ST8SIA1: variants seen among roughly 807,000 people sequenced by gnomAD.
ST8SIA1 encodes the protein ST8 alpha-N-acetyl-neuraminide alpha-2,8-sialyltransferase 1.
A neutral mutation model predicts 35.9 loss-of-function variants in ST8SIA1; 16 were observed. The observed-to-expected ratio is 0.45, with a 90% CI of 0.30 to 0.68. The LOEUF (loss-of-function observed/expected upper bound fraction) is 0.68. Ranked by LOEUF, ST8SIA1 falls within the 30% of genes least tolerant of loss-of-function variation. The probability of loss-of-function intolerance (pLI) is 0.09; values close to 1 mark genes in which losing one functional copy is unlikely to be tolerated. For missense variants in ST8SIA1, 383 were observed against 453.6 expected, an observed-to-expected ratio of 0.84 and a Z score of 1.41; for synonymous variants, 170 against 169.6, an observed-to-expected ratio of 1.00 and a Z score of -0.02.
At chr12:22,211,571 C>T (rs1865176405) in intron 4 of ST8SIA1, among the ~76,000 whole-genome samples, 1 of 152,082 alleles carries the variant, frequency 6.6e-6, no homozygotes, top group African/African-American at 2.4e-5. Flanking sequence ...AAGGTCAAAG[C>T]CTTATCTGTA....
chr12:22,237,642 G>A (rs922255261), intron 4 of ST8SIA1, among the ~76,000 whole-genome samples: 56 of 151,322 alleles, frequency 3.7e-4, no homozygotes, highest in African/African-American at 1.3e-3. Context: ...CATCAATATG[G>A]ATATATCATA....
intron 4 of ST8SIA1, among the ~76,000 whole-genome samples, chr12:22,244,196 CTCTTT>C (rs1189856654): frequency 6.6e-6 from 1 of 152,064 alleles, no homozygotes. Context: ...ACTTAGCATA[CTCTTT>C]TCTTATGTTT....
intron 1 of ST8SIA1, among the ~76,000 whole-genome samples, chr12:22,322,132 C>T (rs1041114152): frequency 2.6e-5 from 4 of 152,206 alleles, no homozygotes; most frequent in Admixed American, 6.5e-5. Flanking sequence ...CTGAATGGAC[C>T]AGAGTGGAGA....
chr12:22,201,826 C>G lies in ST8SIA1; in HGVS notation c.797G>C (p.Arg266Thr). ...LRSIGKFWKSRGIHAKRLSTG... is the reference protein window; with the variant it reads ...LRSIGKFWKSTGIHAKRLSTG... ...GGACAGGCGCTTGGCATGGATTCCT[C>G]TACTTTTCCAGAACTTTCCAATGCT... is the stretch of plus-strand genomic sequence containing the variant. Residue 266 changes from arginine (R) to threonine (T), a missense_variant, in exon 5 of 5, where the codon AGA becomes ACA. Physicochemically the swap from Arg to Thr is moderately conservative, Grantham distance 71. Coordinates refer to ENST00000396037, the MANE Select transcript of ST8SIA1 (RefSeq NM_003034.4). 1.9e-6 allele frequency: 3 copies of G among 1,614,164 alleles called. No individual in the cohort carries two copies. The highest frequency in any genetic ancestry group is 1.7e-6 in the Non-Finnish European group (2 of 1,180,002).
At chr12:22,309,324 C>T (rs1866421628) in intron 1 of ST8SIA1, among the ~76,000 whole-genome samples, 1 of 152,082 alleles carries the variant, frequency 6.6e-6, no homozygotes, top group South Asian at 2.1e-4. Flanking sequence ...TCTGACGCTG[C>T]CCCTCCTTTT....
At chr12:22,209,334 A>G (rs1013982566) in intron 4 of ST8SIA1, among the ~76,000 whole-genome samples, 1 of 152,240 alleles carries the variant, frequency 6.6e-6, no homozygotes, top group Non-Finnish European at 1.5e-5. Context: ...GGGTAAATGA[A>G]CAACGATGTA....
At chr12:22,273,415 G>C (rs750545578) in intron 2 of ST8SIA1, among the ~76,000 whole-genome samples, 19 of 152,076 alleles carry the variant, frequency 1.2e-4, no homozygotes, top group Non-Finnish European at 1.8e-4. Context: ...AAAGCCCCAG[G>C]CTCAGCCATA....
chr12:22,311,062 G>A (rs12321369), intron 1 of ST8SIA1, among the ~76,000 whole-genome samples: 6,060 of 152,188 alleles, frequency 0.04, 372 homozygotes, highest in African/African-American at 0.14. Context: ...AAAACTGCAG[G>A]TCACAGAAGA....
intron 4 of ST8SIA1, among the ~76,000 whole-genome samples, chr12:22,230,761 C>G (rs1210191429): frequency 6.6e-6 from 1 of 152,200 alleles, no homozygotes; most frequent in Non-Finnish European, 1.5e-5. Flanking sequence ...TTGAGAAGAT[C>G]TGAATCACAG....
At chr12:22,290,239 T>A (rs1025514024) in intron 1 of ST8SIA1, among the ~76,000 whole-genome samples, 1 of 152,168 alleles carries the variant, frequency 6.6e-6, no homozygotes, top group African/African-American at 2.4e-5. Context: ...GCCATGACCA[T>A]CTCTGGAGGG....
intron 4 of ST8SIA1, among the ~76,000 whole-genome samples, chr12:22,235,918 G>A (rs1865472184): frequency 7.0e-6 from 1 of 143,640 alleles, no homozygotes; most frequent in South Asian, 2.3e-4. Flanking sequence ...ACACACACGT[G>A]CACATACACA....
chr12:22,325,422 T>TA (rs1184787544), intron 1 of ST8SIA1: 14 of 701,818 alleles, frequency 2.0e-5, no homozygotes, highest in Non-Finnish European at 3.6e-5. Context: ...ACACAGCTCT[T>TA]ACGGTCTTGG....
At chr12:22,263,115 T>C (rs1248927256) in intron 2 of ST8SIA1, among the ~76,000 whole-genome samples, 1 of 152,176 alleles carries the variant, frequency 6.6e-6, no homozygotes, top group Non-Finnish European at 1.5e-5. Flanking sequence ...TTTATGAGAA[T>C]TGAGTGCTAG....
intron 2 of ST8SIA1, among the ~76,000 whole-genome samples, chr12:22,260,378 T>G (rs990070770): frequency 1.3e-5 from 2 of 152,092 alleles, no homozygotes; most frequent in Non-Finnish European, 2.9e-5. Context: ...CCCAGGCTGG[T>G]CTCAAACTCA....
At chr12:22,235,442 C>T (rs1014433) in intron 4 of ST8SIA1, among the ~76,000 whole-genome samples, 51,048 of 151,858 alleles carry the variant, frequency 0.34, 9,352 homozygotes, top group East Asian at 0.54. Context: ...TATTCACATA[C>T]TAATAAATGT....
At chr12:22,252,559 T>C (rs1565578404) in intron 3 of ST8SIA1, among the ~76,000 whole-genome samples, 2 of 152,256 alleles carry the variant, frequency 1.3e-5, no homozygotes, top group South Asian at 2.1e-4. Flanking sequence ...GGCATACGCA[T>C]ACATAGTTCT....
intron 1 of ST8SIA1, chr12:22,324,762 C>A (rs1866653409): frequency 6.8e-6 from 1 of 146,034 alleles, no homozygotes; most frequent in Non-Finnish European, 1.5e-5. Context: ...TATACAACAA[C>A]TACATATGAA....
At chr12:22,232,458 T>G (rs1865431107) in intron 4 of ST8SIA1, among the ~76,000 whole-genome samples, 1 of 152,086 alleles carries the variant, frequency 6.6e-6, no homozygotes, top group African/African-American at 2.4e-5. Context: ...ATGGGGAAAA[T>G]GACAGAATAC....
intron 4 of ST8SIA1, among the ~76,000 whole-genome samples, chr12:22,230,201 T>C (rs1204394103): frequency 6.6e-6 from 1 of 152,218 alleles, no homozygotes. Context: ...GGGGTTTTAG[T>C]GATATCAGGC....
Sources: allele counts gnomAD v4.1 joint callset (sites outside exome capture counted in the v4.1 genomes callset), GRCh38; gene constraint gnomAD v4.1.1; transcripts MANE v1.5; gene names NCBI Gene and HGNC (gene_info 2026-07-23, HGNC 2026-07-21).